Variants in TENM2 observed in about 807,000 individuals in gnomAD.
TENM2 encodes the protein teneurin transmembrane protein 2.
TENM2 carries 52 observed loss-of-function variants against 245.2 expected under a neutral mutation model. That is an observed-to-expected ratio of 0.21 (90% confidence interval 0.17 to 0.27). TENM2 has a LOEUF of 0.27. TENM2 is among the 10% of genes least tolerant of loss of function. The pLI is 1.00. For synonymous variants in TENM2, 1,363 were observed against 1,438.9 expected, an observed-to-expected ratio of 0.95 and a Z score of 1.19; for missense variants, 3,046 against 3,666.8, an observed-to-expected ratio of 0.83 and a Z score of 4.37.
intron 12 of TENM2, among the ~76,000 whole-genome samples, chr5:168,141,050 C>G (rs1188700609): frequency 6.6e-6 from 1 of 152,022 alleles, no homozygotes. Context: ...GCTACATAGT[C>G]CCGCTGGGCT....
intron 2 of TENM2, among the ~76,000 whole-genome samples, chr5:167,835,471 T>A (rs866435211): frequency 1.3e-5 from 2 of 152,232 alleles, no homozygotes; most frequent in African/African-American, 4.8e-5. Flanking sequence ...AATCCTTTAC[T>A]TATTCAAGAG....
chr5:167,337,460 C>A (rs1424042436), intron 1 of TENM2, among the ~76,000 whole-genome samples: 1 of 152,020 alleles, frequency 6.6e-6, no homozygotes, highest in Non-Finnish European at 1.5e-5. Flanking sequence ...AATTCAAATA[C>A]AAGGAAGAGA....
Position 167,847,271 on chromosome 5 carries a change from A to G in TENM2, c.503-28715A>G, listed in dbSNP as rs902154014. ...CCCAGCCTCACCCTATCTTTATCCC[A>G]CATAAATGTCTTTTCTAACATCCTC... On this transcript the variant is annotated intron_variant, in intron 2 of 28. Coordinates refer to ENST00000518659, the Ensembl canonical transcript of TENM2. 7.9e-5 allele frequency among the ~76,000 whole-genome samples: 12 copies of G among 152,264 alleles called. No homozygotes were observed. In the Middle Eastern group the frequency reaches 0.01, roughly 129 times the overall value.
the TENM2 span, among the ~76,000 whole-genome samples, chr5:167,189,822 C>G: frequency 2.0e-5 from 3 of 151,952 alleles, no homozygotes; most frequent in African/African-American, 4.8e-5. Flanking sequence ...CTTTTTCTTT[C>G]TTTTCACTGT....
At chr5:167,153,693 A>G in the TENM2 span, among the ~76,000 whole-genome samples, 1 of 151,470 alleles carries the variant, frequency 6.6e-6, no homozygotes, top group Non-Finnish European at 1.5e-5. Context: ...ACACACACAC[A>G]CACATATATC....
chr5:167,999,672 G>A (rs1053760829), intron 5 of TENM2, among the ~76,000 whole-genome samples: 3 of 152,164 alleles, frequency 2.0e-5, no homozygotes, highest in Non-Finnish European at 4.4e-5. Context: ...GCAATCTGGG[G>A]GACTTGAAGT....
At chr5:167,210,149 T>A in the TENM2 span, among the ~76,000 whole-genome samples, 4 of 152,186 alleles carry the variant, frequency 2.6e-5, no homozygotes, top group Admixed American at 2.6e-4. Context: ...TTACTGTTAT[T>A]CCTGTTTCAC....
At chr5:168,058,058 T>A (rs1789710408) in intron 6 of TENM2, among the ~76,000 whole-genome samples, 1 of 152,192 alleles carries the variant, frequency 6.6e-6, no homozygotes. Context: ...CATGAGTGGT[T>A]ACCTAATGCG....
At chr5:168,046,681 T>C (rs952061495) in intron 5 of TENM2, among the ~76,000 whole-genome samples, 2 of 152,126 alleles carry the variant, frequency 1.3e-5, no homozygotes, top group African/African-American at 4.8e-5. Flanking sequence ...ACAGGCAGTA[T>C]TTCAGAACTC....
the TENM2 span, among the ~76,000 whole-genome samples, chr5:167,075,296 C>T: frequency 2.0e-5 from 3 of 152,246 alleles, no homozygotes; most frequent in Admixed American, 1.3e-4. Flanking sequence ...AGGGTTTCCC[C>T]GTTATACCCA....
rs180877565 is a variant in TENM2, at chr5:167,546,680, G to A, written c.502+171207G>A. Among the ~76,000 whole-genome samples the A allele has an allele frequency of 2.1e-4, 32 of 152,282 alleles. 3 individuals are homozygous for A. Among genetic ancestry groups the A allele is most frequent in the African/African-American group, 7.5e-4 (31 of 41,564 alleles). Reference sequence around the variant, plus strand: ...TCATGATTTAGGTGTCCTACGGAGAGAGGGTTGGCAGCGACTCCAGTTAAA... The same window carrying A: ...TCATGATTTAGGTGTCCTACGGAGAAAGGGTTGGCAGCGACTCCAGTTAAA... On this transcript the variant is annotated intron_variant, in intron 2 of 28. Coordinates refer to ENST00000518659, the Ensembl canonical transcript of TENM2.
chr5:168,071,761 A>G (rs140471681), intron 7 of TENM2, among the ~76,000 whole-genome samples: 492 of 152,368 alleles, frequency 3.2e-3, no homozygotes, highest in African/African-American at 0.011. Flanking sequence ...CAAAGGATTT[A>G]CAATACATCA....
At chr5:168,235,794 G>A (rs961771829) in intron 25 of TENM2, among the ~76,000 whole-genome samples, 1 of 144,788 alleles carries the variant, frequency 6.9e-6, no homozygotes, top group African/African-American at 2.7e-5. Flanking sequence ...GTGACAGAGT[G>A]AGACTCTGCC....
chr5:168,120,984 T>A (rs1562184376), intron 10 of TENM2, among the ~76,000 whole-genome samples: 1 of 152,088 alleles, frequency 6.6e-6, no homozygotes. Context: ...GAGAGAGGAG[T>A]TGACATATTA....
chr5:168,107,924 C>T (rs1191782975), intron 9 of TENM2, among the ~76,000 whole-genome samples: 2 of 152,246 alleles, frequency 1.3e-5, no homozygotes, highest in Non-Finnish European at 2.9e-5. Context: ...TGCCACATGC[C>T]GGCCATCTCC....
chr5:167,432,971 A>G (rs1270596559), intron 2 of TENM2, among the ~76,000 whole-genome samples: 1 of 152,182 alleles, frequency 6.6e-6, no homozygotes, highest in Admixed American at 6.5e-5. Context: ...TAATGTTTTA[A>G]GGAAAATCTG....
At chr5:167,478,969 G>A (rs890902571) in intron 2 of TENM2, among the ~76,000 whole-genome samples, 1 of 130,118 alleles carries the variant, frequency 7.7e-6, no homozygotes, top group Admixed American at 8.8e-5. Flanking sequence ...AAGCATGATT[G>A]CATATGACTA....
chr5:168,080,246 A>G (rs964316934), intron 7 of TENM2, among the ~76,000 whole-genome samples: 7 of 152,116 alleles, frequency 4.6e-5, no homozygotes, highest in African/African-American at 1.4e-4. Context: ...CTCTGATGGT[A>G]GTTTGTATTT....
At chr5:167,074,285 C>T in the TENM2 span, among the ~76,000 whole-genome samples, 48 of 152,014 alleles carry the variant, frequency 3.2e-4, no homozygotes, top group Non-Finnish European at 6.0e-4. Context: ...GGATTAAATC[C>T]TTTTTCTTCT....
Sources: gnomAD v4.1 joint callset for allele counts (sites outside exome capture counted in the v4.1 genomes callset) on GRCh38, gnomAD v4.1.1 for gene constraint, MANE v1.5 for transcripts, NCBI Gene and HGNC (gene_info 2026-07-23, HGNC 2026-07-21) for gene names.